IL1RAPL2: variants seen among roughly 807,000 people sequenced by gnomAD.
The protein encoded by IL1RAPL2 is X-linked interleukin-1 receptor accessory protein-like 2.
Under a neutral mutation model 44.1 loss-of-function variants are expected in IL1RAPL2, and 3 were observed. The observed-to-expected ratio is 0.07, with a 90% CI of 0.03 to 0.18. The LOEUF (loss-of-function observed/expected upper bound fraction) is 0.18. Among genes scored for constraint, IL1RAPL2 ranks in the 10% least tolerant of loss-of-function variants. The pLI is 1.00. For synonymous variants in IL1RAPL2, 181 were observed against 178.8 expected (o/e 1.01, Z -0.10); for missense variants, 391 against 496.4 (o/e 0.79, Z 2.02).
chrX:104,925,452 T>C (rs1446342202), intron 2 of IL1RAPL2, among the ~76,000 whole-genome samples: 1 of 111,119 alleles, frequency 9.0e-6, no homozygotes, highest in Non-Finnish European at 1.9e-5. Flanking sequence ...AAATCCTTAA[T>C]GAAATACCAG....
intron 2 of IL1RAPL2, among the ~76,000 whole-genome samples, chrX:105,094,364 C>T (rs3925473): frequency 0.067 from 7,426 of 111,483 alleles, 622 homozygotes; most frequent in African/African-American, 0.23. Flanking sequence ...AAAATATTTT[C>T]ATGTAAACTA....
chrX:105,131,061 T>C (rs1444526935), intron 2 of IL1RAPL2, among the ~76,000 whole-genome samples: 1 of 111,401 alleles, frequency 9.0e-6, no homozygotes, highest in Non-Finnish European at 1.9e-5. Context: ...TAACTAAATT[T>C]ACACAGGGGA....
intron 2 of IL1RAPL2, among the ~76,000 whole-genome samples, chrX:104,856,571 C>T (rs918276054): frequency 1.8e-5 from 2 of 111,871 alleles, no homozygotes; most frequent in African/African-American, 6.5e-5. Context: ...GTTGTGAATT[C>T]ATGCATGTTT....
At chrX:105,014,236 T>C (rs1185935675) in intron 2 of IL1RAPL2, among the ~76,000 whole-genome samples, 1 of 111,861 alleles carries the variant, frequency 8.9e-6, no homozygotes, top group Non-Finnish European at 1.9e-5. Context: ...CATGTGATGT[T>C]TTGTGGCATG....
chrX:105,140,184 C>T (rs1169715380), intron 2 of IL1RAPL2, among the ~76,000 whole-genome samples: 1 of 112,713 alleles, frequency 8.9e-6, no homozygotes, highest in Non-Finnish European at 1.9e-5. Context: ...TAGTCATTCT[C>T]CTTTTACCTT....
intron 1 of IL1RAPL2, among the ~76,000 whole-genome samples, chrX:104,630,843 CT>C (rs914412803): frequency 1.3e-4 from 14 of 106,989 alleles, no homozygotes; most frequent in African/African-American, 4.4e-4. Flanking sequence ...TTTCAAGCTT[CT>C]TTTTTTTATT....
chrX:104,774,556 G>A (rs1049430062), intron 2 of IL1RAPL2, among the ~76,000 whole-genome samples: 1 of 111,477 alleles, frequency 9.0e-6, no homozygotes, highest in Admixed American at 9.6e-5. Flanking sequence ...CTTCTCCCTA[G>A]AATCCAAACC....
At chrX:104,975,095 C>A (rs2030308178) in intron 2 of IL1RAPL2, among the ~76,000 whole-genome samples, 1 of 111,348 alleles carries the variant, frequency 9.0e-6, no homozygotes, top group African/African-American at 3.3e-5. Context: ...TTGTTGTAGA[C>A]TTTAAAGGCC....
chrX:104,908,771 A>T (rs540639962), intron 2 of IL1RAPL2, among the ~76,000 whole-genome samples: 25 of 108,276 alleles, frequency 2.3e-4, no homozygotes, highest in African/African-American at 8.4e-4. Context: ...TGAATCTGAC[A>T]ATTTTGTGTC....
At chrX:105,225,607 A>AG (rs1390065096) in intron 3 of IL1RAPL2, among the ~76,000 whole-genome samples, 1 of 111,557 alleles carries the variant, frequency 9.0e-6, no homozygotes, top group Non-Finnish European at 1.9e-5. Flanking sequence ...CATGTCTGTG[A>AG]GCAGAGTATC....
At chrX:105,586,226 T>G (rs1031006395) in intron 6 of IL1RAPL2, among the ~76,000 whole-genome samples, 5 of 111,721 alleles carry the variant, frequency 4.5e-5, no homozygotes, top group Non-Finnish European at 7.5e-5. Context: ...AAGACATTTA[T>G]GTGGCCAACA....
At chrX:104,624,019 G>A (rs952355375) in intron 1 of IL1RAPL2, among the ~76,000 whole-genome samples, 2 of 111,787 alleles carry the variant, frequency 1.8e-5, no homozygotes, top group Non-Finnish European at 3.8e-5. Context: ...TTCCTGGCAG[G>A]CACTGATGTA....
chrX:104,657,671 C>T (rs888337707), intron 1 of IL1RAPL2, among the ~76,000 whole-genome samples: 21 of 111,385 alleles, frequency 1.9e-4, no homozygotes, highest in Non-Finnish European at 3.0e-4. Context: ...AAACTACCAT[C>T]AGAGTGAACA....
intron 2 of IL1RAPL2, among the ~76,000 whole-genome samples, chrX:104,908,701 G>T (rs1924122413): frequency 9.1e-6 from 1 of 110,195 alleles, no homozygotes; most frequent in Non-Finnish European, 1.9e-5. Context: ...TTCCCTTTGA[G>T]GGTAACCCGA....
chrX:105,296,196 A>G (rs997238969), intron 5 of IL1RAPL2, among the ~76,000 whole-genome samples: 5 of 110,999 alleles, frequency 4.5e-5, no homozygotes, highest in Admixed American at 1.9e-4. Context: ...CAGAGACCCC[A>G]TAGATCAGCT....
At chrX:104,825,923 T>C (rs1208023175) in intron 2 of IL1RAPL2, among the ~76,000 whole-genome samples, 1 of 111,546 alleles carries the variant, frequency 9.0e-6, no homozygotes, top group Non-Finnish European at 1.9e-5. Flanking sequence ...TTCTTTGACA[T>C]GTTTATGCAT....
At chrX:104,599,770 A>G (rs1178874652) in intron 1 of IL1RAPL2, among the ~76,000 whole-genome samples, 1 of 110,149 alleles carries the variant, frequency 9.1e-6, no homozygotes, top group Non-Finnish European at 1.9e-5. Context: ...TCATCAATGA[A>G]CTCCAGGTTG....
chrX:105,669,239 C>A (rs1238218308), intron 6 of IL1RAPL2, among the ~76,000 whole-genome samples: 4 of 111,548 alleles, frequency 3.6e-5, no homozygotes, highest in African/African-American at 1.3e-4. Flanking sequence ...TACAAAAAAG[C>A]AATAAAAGAT....
rs182781169 is a variant in IL1RAPL2, at chrX:105,018,595, A to G, written c.83-176880A>G. On this transcript the variant is annotated intron_variant, in intron 2 of 10. Transcript: ENST00000372582. ...CACACGAATCACCTAGTAAGGCAGT[A>G]CTGTGTTTAACATAGTTTAACCTCT... 6.3e-4 allele frequency among the ~76,000 whole-genome samples: 70 copies of G among 111,631 alleles called. 1 individual carries two copies. Among genetic ancestry groups the G allele is most frequent in the African/African-American group, 2.2e-3 (69 of 30,869 alleles).
Sources: gnomAD v4.1 joint callset for allele counts (sites outside exome capture counted in the v4.1 genomes callset) on GRCh38, gnomAD v4.1.1 for gene constraint, MANE v1.5 for transcripts, NCBI Gene and HGNC (gene_info 2026-07-23, HGNC 2026-07-21) for gene names.